Variants in GHR observed in about 807,000 individuals in gnomAD.
GHR encodes the protein growth hormone receptor.
A neutral mutation model predicts 67.1 loss-of-function variants in GHR; 35 were observed. That is an observed-to-expected ratio of 0.52 (90% CI 0.40 to 0.69). The LOEUF is 0.69. Among genes scored for constraint, GHR ranks in the 30% least tolerant of loss-of-function variants. GHR has a pLI of 0.00. For missense variants in GHR, 792 were observed against 764.6 expected (o/e 1.04, Z -0.42); for synonymous variants, 272 against 269.1 (o/e 1.01, Z -0.10).
chr5:42,485,667 T>C (rs2112171797), intron 1 of GHR, among the ~76,000 whole-genome samples: 1 of 152,330 alleles, frequency 6.6e-6, no homozygotes, highest in Non-Finnish European at 1.5e-5. Flanking sequence ...ACTTATTCTA[T>C]ACATTAGAAG....
chr5:42,569,754 C>A (rs116381376), intron 2 of GHR, among the ~76,000 whole-genome samples: 2 of 151,748 alleles, frequency 1.3e-5, no homozygotes, highest in African/African-American at 4.9e-5. Context: ...TATATATGTA[C>A]ACTATATGTA....
chr5:42,520,329 C>T (rs1747418830), intron 1 of GHR, among the ~76,000 whole-genome samples: 1 of 152,146 alleles, frequency 6.6e-6, no homozygotes, highest in Non-Finnish European at 1.5e-5. Context: ...CATTGTACCA[C>T]AAGATACCTT....
At chr5:42,524,459 G>A (rs1161114609) in intron 1 of GHR, among the ~76,000 whole-genome samples, 1 of 152,206 alleles carries the variant, frequency 6.6e-6, no homozygotes, top group Non-Finnish European at 1.5e-5. Context: ...CATTCAAGAG[G>A]TGAATGCTTG....
intron 2 of GHR, among the ~76,000 whole-genome samples, chr5:42,610,347 C>T (rs1248731607): frequency 6.6e-6 from 1 of 152,188 alleles, no homozygotes; most frequent in Non-Finnish European, 1.5e-5. Context: ...TTACCCAGTA[C>T]ATGTACTCCA....
intron 2 of GHR, 37 bp downstream of exon 2, chr5:42,565,981 T>C (rs1225152250): frequency 1.9e-6 from 3 of 1,611,782 alleles, no homozygotes; most frequent in Non-Finnish European, 8.5e-7. Flanking sequence ...CTCAGTGTTT[T>C]GAAACAACAC....
At chr5:42,482,668 G>A (rs994471706) in intron 1 of GHR, among the ~76,000 whole-genome samples, 8 of 152,210 alleles carry the variant, frequency 5.3e-5, no homozygotes, top group African/African-American at 1.9e-4. Flanking sequence ...CATGGGCATA[G>A]GACCCTCCGA....
chr5:42,692,604 G>C (rs921250933), intron 4 of GHR, among the ~76,000 whole-genome samples: 1 of 152,188 alleles, frequency 6.6e-6, no homozygotes, highest in Non-Finnish European at 1.5e-5. Context: ...TGAACTAGCT[G>C]TTTCTGATCC....
At chr5:42,712,208 T>C (rs1758494993) in intron 7 of GHR, among the ~76,000 whole-genome samples, 3 of 152,102 alleles carry the variant, frequency 2.0e-5, no homozygotes, top group Non-Finnish European at 4.4e-5. Context: ...ACTATACAGG[T>C]AGAATCTCAT....
chr5:42,696,837 G>A (rs1757696887), intron 5 of GHR, among the ~76,000 whole-genome samples: 1 of 152,138 alleles, frequency 6.6e-6, no homozygotes, highest in Non-Finnish European at 1.5e-5. Context: ...ATGAAACCGA[G>A]GCACAGAGCA....
At chr5:42,548,939 G>A (rs1376756069) in intron 1 of GHR, among the ~76,000 whole-genome samples, 1 of 152,210 alleles carries the variant, frequency 6.6e-6, no homozygotes, top group Non-Finnish European at 1.5e-5. Flanking sequence ...AACAGAGATA[G>A]TAATTTGCAC....
intron 2 of GHR, among the ~76,000 whole-genome samples, chr5:42,607,830 T>G (rs945041225): frequency 1.3e-5 from 2 of 152,210 alleles, no homozygotes; most frequent in African/African-American, 4.8e-5. Flanking sequence ...TGGTTAGAAC[T>G]TACTACCAAC....
intron 5 of GHR, among the ~76,000 whole-genome samples, chr5:42,699,556 T>C (rs1015490639): frequency 1.3e-5 from 2 of 152,132 alleles, no homozygotes; most frequent in African/African-American, 4.8e-5. Flanking sequence ...ATATACAACA[T>C]GGCAGATCTT....
At chr5:42,533,719 G>A (rs143100288) in intron 1 of GHR, among the ~76,000 whole-genome samples, 2,443 of 151,130 alleles carry the variant, frequency 0.016, 21 homozygotes, top group Middle Eastern at 0.038. Flanking sequence ...AAGTTATTGG[G>A]GTACAGGTGG....
At chr5:42,448,013 C>T (rs972549132) in intron 1 of GHR, among the ~76,000 whole-genome samples, 1 of 152,048 alleles carries the variant, frequency 6.6e-6, no homozygotes, top group Admixed American at 6.6e-5. Flanking sequence ...CCACCCACCT[C>T]AGTCTCCCAA....
In GHR at chr5:42,424,491, C is replaced by G; in HGVS notation, c.-12+536C>G. 1.9e-6 allele frequency: 2 copies of G among 1,038,536 alleles called. No individual in the cohort carries two copies. Among genetic ancestry groups the G allele is most frequent in the Non-Finnish European group, 2.9e-6 (2 of 695,218 alleles). 64.3% of individuals were successfully genotyped at this position (1,038,536 alleles called of 1,614,324 possible). On this transcript the variant is annotated intron_variant, in intron 1 of 9. Coordinates refer to ENST00000230882, the MANE Select transcript of GHR (RefSeq NM_000163.5). The surrounding 1 kb of genome is among the most constrained non-coding windows in gnomAD (Gnocchi z 4.1). ...GGTCGAGCTGTGCGCGTGGACACAGCGCGCAGAGCGCGCGGTCTTTTGCGC... is the reference window on the plus strand; with the variant it reads ...GGTCGAGCTGTGCGCGTGGACACAGGGCGCAGAGCGCGCGGTCTTTTGCGC...
At chr5:42,489,498 ACACACACACATC>A (rs1316974142) in intron 1 of GHR, among the ~76,000 whole-genome samples, 5 of 152,170 alleles carry the variant, frequency 3.3e-5, no homozygotes, top group Non-Finnish European at 5.9e-5. Flanking sequence ...TTTTTATTTA[ACACACACACATC>A]CACACACACA....
At chr5:42,469,878 G>T (rs896893105) in intron 1 of GHR, among the ~76,000 whole-genome samples, 1 of 152,018 alleles carries the variant, frequency 6.6e-6, no homozygotes, top group Non-Finnish European at 1.5e-5. Flanking sequence ...GAAGTTCCTA[G>T]GGACACTTAA....
chr5:42,567,801 G>A (rs1214648737), intron 2 of GHR, among the ~76,000 whole-genome samples: 1 of 151,080 alleles, frequency 6.6e-6, no homozygotes, highest in Non-Finnish European at 1.5e-5. Flanking sequence ...GTGTGTGTGT[G>A]TGTGTGTGTG....
intron 2 of GHR, among the ~76,000 whole-genome samples, chr5:42,614,127 C>T (rs971970930): frequency 6.6e-6 from 1 of 152,120 alleles, no homozygotes; most frequent in African/African-American, 2.4e-5. Flanking sequence ...AAATTAACAT[C>T]AGAGCATAAC....
Sources: allele counts gnomAD v4.1 joint callset (sites outside exome capture counted in the v4.1 genomes callset), GRCh38; gene constraint gnomAD v4.1.1; non-coding constraint Gnocchi (gnomAD v3.1); transcripts MANE v1.5; gene names NCBI Gene and HGNC (gene_info 2026-07-23, HGNC 2026-07-21).